The following RPL34 variants were observed in gnomAD, a reference collection of about 807,000 sequenced individuals.
RPL34 encodes the protein large ribosomal subunit protein eL34.
Under a neutral mutation model 16.3 loss-of-function variants are expected in RPL34, and 2 were observed. The observed-to-expected ratio is 0.12, with a 90% CI of 0.05 to 0.39. RPL34 has a LOEUF of 0.39. Ranked by LOEUF, RPL34 falls within the 10% of genes least tolerant of loss-of-function variation. The pLI, the probability that RPL34 is intolerant of heterozygous loss-of-function variation, is 0.99. For missense variants in RPL34, 82 were observed against 148.8 expected (o/e 0.55, Z 2.33); for synonymous variants, 47 against 48.5 (o/e 0.97, Z 0.13).
chr4:108,622,143 C>T lies in RPL34; in HGVS notation c.104C>T (p.Thr35Ile). 1 of 1,613,836 alleles carries T rather than the reference C, an allele frequency of 6.2e-7. No individual in the cohort carries two copies. Among genetic ancestry groups the T allele is most frequent in the Non-Finnish European group, 8.5e-7 (1 of 1,179,910 alleles). ...GGTAATAGAATTGTTTACCTTTATACCAAGAAGGTTGGGAAAGCACCAAAA... is the reference window on the plus strand; with the variant it reads ...GGTAATAGAATTGTTTACCTTTATATCAAGAAGGTTGGGAAAGCACCAAAA... ...TPGNRIVYLY[T>I]KKVGKAPKSA... is the part of the protein sequence containing the mutation. Residue 35 changes from threonine (T) to isoleucine (I), a missense_variant, in exon 3 of 5, where the codon ACC becomes ATC. Physicochemically the swap from Thr to Ile is moderately conservative, Grantham distance 89. Coordinates refer to ENST00000394667, the MANE Select transcript of RPL34 (RefSeq NM_001319236.2).
downstream of RPL34, among the ~76,000 whole-genome samples, chr4:108,626,036 T>C (rs1052358729): frequency 6.6e-6 from 1 of 152,210 alleles, no homozygotes; most frequent in Non-Finnish European, 1.5e-5. Context: ...ATGAGTGAGC[T>C]ACTATATATA....
intron 4 of RPL34, among the ~76,000 whole-genome samples, chr4:108,623,795 A>G (rs185252088): frequency 1.3e-5 from 2 of 152,368 alleles, no homozygotes; most frequent in African/African-American, 4.8e-5. Flanking sequence ...ACAGTAGGAG[A>G]TACTACATTA....
downstream of RPL34, among the ~76,000 whole-genome samples, chr4:108,628,080 A>G (rs1726073259): frequency 6.6e-6 from 1 of 152,172 alleles, no homozygotes; most frequent in Non-Finnish European, 1.5e-5. Context: ...GCACCCTAAT[A>G]AATGCTAGCA....
chr4:108,626,968 C>G (rs573497508), downstream of RPL34, among the ~76,000 whole-genome samples: 4 of 152,012 alleles, frequency 2.6e-5, no homozygotes, highest in African/African-American at 9.7e-5. Flanking sequence ...GGCTGGACGC[C>G]GTGGTTCATG....
Position 108,625,222 on chromosome 4 carries a change from AC to A in RPL34, c.*11del, listed in dbSNP as rs572332641. 2.5e-3 allele frequency: 3,985 copies of A among 1,569,642 alleles called. 7 individuals are homozygous for A. The highest frequency in any genetic ancestry group is 3.2e-3 in the Non-Finnish European group (3,692 of 1,145,718). Reference sequence around the variant, plus strand: ...TCAGAAAGCTAAATAAAAAAATGAAACTTTTTTGAGTAATAAAAATGAAAAG... The same window carrying A: ...TCAGAAAGCTAAATAAAAAAATGAAATTTTTTGAGTAATAAAAATGAAAAG... On this transcript the variant is annotated 3_prime_UTR_variant, in exon 5 of 5. Coordinates refer to ENST00000394667, the MANE Select transcript of RPL34 (RefSeq NM_001319236.2).
chr4:108,625,359 TTTTGTTTGTTG>T, exon 5 of RPL34: 1 of 531,824 alleles, frequency 1.9e-6, no homozygotes, highest in Non-Finnish European at 3.3e-6. Flanking sequence ...CTTTTTCTTG[TTTTGTTTGTTG>T]TTTGTTTGTT....
chr4:108,621,120 A>G (rs1195042800), intron 1 of RPL34: 6 of 151,516 alleles, frequency 4.0e-5, no homozygotes, highest in Admixed American at 4.0e-4. Flanking sequence ...CACTGGTTTT[A>G]CGTGTCAAGT....
downstream of RPL34, among the ~76,000 whole-genome samples, chr4:108,629,485 G>A (rs62314862): frequency 1.7e-4 from 26 of 152,082 alleles, no homozygotes; most frequent in East Asian, 1.9e-3. Context: ...GAGCATTGAC[G>A]GGTGTGAACA....
intron 1 of RPL34, 48 bp downstream of exon 1, chr4:108,620,648 G>A (rs1218664329): frequency 7.9e-6 from 2 of 254,514 alleles, no homozygotes; most frequent in South Asian, 3.6e-5. Flanking sequence ...TTACCAATCG[G>A]CTGCCATCCG....
intron 4 of RPL34, among the ~76,000 whole-genome samples, chr4:108,624,688 C>G (rs555088041): frequency 6.6e-6 from 1 of 152,302 alleles, no homozygotes; most frequent in East Asian, 1.9e-4. Flanking sequence ...AATCCTTGCT[C>G]TTGGTGAGGT....
chr4:108,623,453 A>T (rs950929447), intron 4 of RPL34: 1 of 152,264 alleles, frequency 6.6e-6, no homozygotes, highest in Admixed American at 6.5e-5. Flanking sequence ...TCTGTAGCCC[A>T]GGCTGGAGTC....
At chr4:108,622,434 A>G in intron 3 of RPL34, 81 bp from the exon 4 acceptor site, 1 of 1,055,064 alleles carries the variant, frequency 9.5e-7, no homozygotes, top group East Asian at 2.4e-5. Flanking sequence ...AACCTACTTT[A>G]AACTTGCCCT....
chr4:108,625,200 G>T lies in RPL34; in HGVS notation c.342G>T (p.Gln114His). 1 of 1,604,844 alleles carries T rather than the reference G, an allele frequency of 6.2e-7. No homozygotes were observed. The highest frequency in any genetic ancestry group is 1.1e-5 in the South Asian group (1 of 90,144). ...VKVLKAQAQS[Q>H]KAK Reference sequence around the variant, plus strand: ...TGTTGAAGGCACAAGCACAGAGTCAGAAAGCTAAATAAAAAAATGAAACTT... The same window carrying T: ...TGTTGAAGGCACAAGCACAGAGTCATAAAGCTAAATAAAAAAATGAAACTT... The change falls in exon 5 of 5, where the codon CAG becomes CAT. Residue 114 changes from glutamine to histidine, a missense_variant. By Grantham distance (24) the Gln-to-His change is conservative (BLOSUM62 0). Coordinates refer to ENST00000394667, the MANE Select transcript of RPL34 (RefSeq NM_001319236.2).
Position 108,622,522 on chromosome 4 carries a change from C to T in RPL34, c.173C>T (p.Ala58Val). ...AATATTTTTCTTATGCAGGTTCGTG[C>T]TGTAAGACCTAAAGTTCTTATGAGA... is the stretch of plus-strand genomic sequence containing the variant. Reference protein sequence around the residue: ...VCPGRLRGVRAVRPKVLMRLS... With the variant: ...VCPGRLRGVRVVRPKVLMRLS... Residue 58 changes from alanine to valine, a missense_variant, in exon 4 of 5, where the codon GCT (alanine) becomes GTT (valine). Ala to Val is a moderately conservative substitution (Grantham distance 64). Coordinates refer to ENST00000394667, the MANE Select transcript of RPL34 (RefSeq NM_001319236.2). 2 of 1,607,538 alleles carry T rather than the reference C, an allele frequency of 1.2e-6. No homozygotes were observed. The highest frequency in any genetic ancestry group is 1.7e-6 in the Non-Finnish European group (2 of 1,175,654).
chr4:108,626,584 G>A (rs1408951311), downstream of RPL34, among the ~76,000 whole-genome samples: 1 of 151,488 alleles, frequency 6.6e-6, no homozygotes, highest in South Asian at 2.1e-4. Context: ...GATTACAGGC[G>A]CCCACCACCA....
intron 1 of RPL34, chr4:108,621,354 A>G (rs1725764156): frequency 1.3e-5 from 2 of 153,576 alleles, no homozygotes; most frequent in South Asian, 4.0e-4. Flanking sequence ...AGCAGGTGCC[A>G]TAACCCAAAG....
downstream of RPL34, among the ~76,000 whole-genome samples, chr4:108,629,010 G>A (rs1411834057): frequency 1.3e-5 from 2 of 152,182 alleles, no homozygotes; most frequent in East Asian, 3.9e-4. Context: ...AGTAGAGACG[G>A]GTTCGCCATG....
intron 1 of RPL34, chr4:108,621,690 ACT>A (rs1725781854): frequency 7.8e-6 from 3 of 384,798 alleles, no homozygotes; most frequent in Admixed American, 3.8e-5. Flanking sequence ...ACAAAATTAG[ACT>A]CTGAGTAAGG....
At position 108,622,233 on chromosome 4, in the gene RPL34, T is replaced by C. The variant is rs766153497; in HGVS notation, c.165+29T>C. The C allele has an allele frequency of 4.6e-5, 67 of 1,468,048 alleles. No homozygotes were observed. In the Middle Eastern group the frequency reaches 1.0e-3, roughly 23 times the overall value. The allele number at this position is 1,468,048 out of a possible 1,614,324, so 90.9% of individuals were successfully genotyped here. A position where few individuals can be genotyped will look rare whatever the true frequency, so the allele number is the denominator to read the frequency against. ...AGTGTACCTTTTACTGTGTGCAGCC[T>C]AACAAGTCTTGAACTTACTGAGCTT... On this transcript the variant is annotated intron_variant, in intron 3 of 4. Transcript: ENST00000394667.
Sources: allele counts gnomAD v4.1 joint callset (sites outside exome capture counted in the v4.1 genomes callset), GRCh38; gene constraint gnomAD v4.1.1; transcripts MANE v1.5; gene names NCBI Gene and HGNC (gene_info 2026-07-23, HGNC 2026-07-21).